Variants in DLGAP1 observed in about 807,000 individuals in gnomAD.
The protein encoded by DLGAP1 is DLG associated protein 1, also known as disks large-associated protein 1.
Under a neutral mutation model 90.8 loss-of-function variants are expected in DLGAP1, and 11 were observed. That is an observed-to-expected ratio of 0.12 (90% confidence interval 0.08 to 0.20). The LOEUF is 0.20. Ranked by LOEUF, DLGAP1 falls within the 10% of genes least tolerant of loss-of-function variation. The pLI is 1.00. For missense variants in DLGAP1, 1,050 were observed against 1,333.8 expected (o/e 0.79, Z 3.31); for synonymous variants, 558 against 540.7 (o/e 1.03, Z -0.44).
chr18:3,888,369 T>C (rs1417410016), intron 3 of DLGAP1, among the ~76,000 whole-genome samples: 6 of 152,172 alleles, frequency 3.9e-5, no homozygotes, highest in African/African-American at 1.4e-4. Context: ...ATACCAATTA[T>C]ATTACTCAAA....
Position 4,270,036 on chromosome 18 carries a change from C to T in DLGAP1, c.-266-118749G>A, listed in dbSNP as rs114335454. Among the ~76,000 whole-genome samples, 1,451 of 152,286 alleles carry T rather than the reference C, an allele frequency of 9.5e-3. 28 individuals are homozygous for T. Among genetic ancestry groups the T allele is most frequent in the African/African-American group, 0.033 (1,362 of 41,548 alleles). ...TAGGATCCTTCACATGTTACAGTAG[C>T]ATAGTTTAAATGTTCAGAAGCTCTG... On this transcript the variant is annotated intron_variant, in intron 1 of 12. Coordinates refer to ENST00000315677, the MANE Select transcript of DLGAP1 (RefSeq NM_004746.4).
At chr18:4,111,936 C>T (rs1301615768) in intron 2 of DLGAP1, among the ~76,000 whole-genome samples, 1 of 150,434 alleles carries the variant, frequency 6.6e-6, no homozygotes, top group Non-Finnish European at 1.5e-5. Context: ...TTTATTTATT[C>T]TGTAATAAAA....
chr18:4,124,032 A>G (rs1272585663), intron 2 of DLGAP1, among the ~76,000 whole-genome samples: 2 of 152,230 alleles, frequency 1.3e-5, no homozygotes, highest in African/African-American at 2.4e-5. Flanking sequence ...GTCAATCGCA[A>G]GAGAATTCTG....
intron 1 of DLGAP1, among the ~76,000 whole-genome samples, chr18:4,358,976 G>A (rs1158204655): frequency 4.6e-5 from 7 of 152,210 alleles, no homozygotes; most frequent in Non-Finnish European, 8.8e-5. Flanking sequence ...GCTTTAAAAT[G>A]CTGGCGGGGA....
intron 8 of DLGAP1, among the ~76,000 whole-genome samples, chr18:3,575,976 C>A (rs914173122): frequency 5.3e-5 from 8 of 152,140 alleles, no homozygotes; most frequent in African/African-American, 1.9e-4. Context: ...AACACACATG[C>A]TGATTGAAGG....
chr18:3,590,077 A>AT (rs1416845209), intron 7 of DLGAP1, among the ~76,000 whole-genome samples: 2 of 151,862 alleles, frequency 1.3e-5, no homozygotes, highest in Non-Finnish European at 2.9e-5. Flanking sequence ...CACCAGGCTA[A>AT]TTTTTTTTAT....
At chr18:4,105,904 C>T (rs1348023416) in intron 2 of DLGAP1, among the ~76,000 whole-genome samples, 15 of 151,750 alleles carry the variant, frequency 9.9e-5, no homozygotes, top group Non-Finnish European at 1.2e-4. Flanking sequence ...TGGTGGCGGG[C>T]ACCTGTAGTC....
intron 2 of DLGAP1, among the ~76,000 whole-genome samples, chr18:4,124,153 T>C (rs1428198333): frequency 6.6e-6 from 1 of 152,156 alleles, no homozygotes; most frequent in Non-Finnish European, 1.5e-5. Flanking sequence ...TATCTGACAT[T>C]GCTTCTTGGG....
chr18:3,739,697 A>G (rs1258144296), intron 6 of DLGAP1, among the ~76,000 whole-genome samples: 1 of 152,156 alleles, frequency 6.6e-6, no homozygotes, highest in Non-Finnish European at 1.5e-5. Flanking sequence ...TAGTGGGTGC[A>G]GCGCACCAGT....
chr18:4,066,728 G>A (rs920981204), intron 2 of DLGAP1, among the ~76,000 whole-genome samples: 4 of 152,130 alleles, frequency 2.6e-5, no homozygotes, highest in Non-Finnish European at 1.5e-5. Context: ...ACTGTTGGGG[G>A]GGTGTAAATT....
chr18:4,446,632 GA>G (rs1567930930), intron 1 of DLGAP1, among the ~76,000 whole-genome samples: 2 of 152,090 alleles, frequency 1.3e-5, no homozygotes, highest in Non-Finnish European at 2.9e-5. Flanking sequence ...TGTCATTTCA[GA>G]ATTGGAAAAC....
At chr18:3,580,245 G>T in intron 8 of DLGAP1, 1 of 1,602,850 alleles carries the variant, frequency 6.2e-7, no homozygotes, top group Non-Finnish European at 8.5e-7. Context: ...CATCTGAAAA[G>T]ACCAGTCAGT....
chr18:4,269,350 A>ATTTTT (rs1276704887), intron 1 of DLGAP1, among the ~76,000 whole-genome samples: 10 of 127,080 alleles, frequency 7.9e-5, no homozygotes, highest in South Asian at 2.3e-4. Flanking sequence ...ATATATATAT[A>ATTTTT]TATATTTTTT....
chr18:4,220,288 C>T (rs1408048894), intron 1 of DLGAP1, among the ~76,000 whole-genome samples: 1 of 150,612 alleles, frequency 6.6e-6, no homozygotes, highest in Non-Finnish European at 1.5e-5. Context: ...CTAAATCTCT[C>T]TTTCCTTCTT....
At chr18:4,289,919 T>A (rs982589558) in intron 1 of DLGAP1, among the ~76,000 whole-genome samples, 3 of 152,198 alleles carry the variant, frequency 2.0e-5, no homozygotes, top group African/African-American at 7.2e-5. Flanking sequence ...ATTAAGAGAA[T>A]TTTTCTGTCT....
intron 3 of DLGAP1, among the ~76,000 whole-genome samples, chr18:3,897,949 C>G (rs947267637): frequency 1.3e-5 from 2 of 151,422 alleles, no homozygotes; most frequent in African/African-American, 4.8e-5. Flanking sequence ...CGCCCGCCAC[C>G]GCGCCCGGCT....
At chr18:3,897,436 A>G (rs2071654709) in intron 3 of DLGAP1, among the ~76,000 whole-genome samples, 5 of 152,230 alleles carry the variant, frequency 3.3e-5, no homozygotes, top group Admixed American at 3.3e-4. Context: ...TTCAACATCT[A>G]CTAAATGACA....
chr18:3,506,469 C>T (rs1454271491), intron 11 of DLGAP1, among the ~76,000 whole-genome samples: 10 of 134,254 alleles, frequency 7.4e-5, no homozygotes, highest in Non-Finnish European at 1.4e-4. Context: ...GCCGAGATTG[C>T]GCCATTGCAC....
chr18:3,898,143 T>A (rs911480155), intron 3 of DLGAP1, among the ~76,000 whole-genome samples: 1 of 152,210 alleles, frequency 6.6e-6, no homozygotes, highest in African/African-American at 2.4e-5. Flanking sequence ...TTACTTTATT[T>A]ACTGGTTGAG....
Sources: allele counts gnomAD v4.1 joint callset (sites outside exome capture counted in the v4.1 genomes callset), GRCh38; gene constraint gnomAD v4.1.1; transcripts MANE v1.5; gene names NCBI Gene and HGNC (gene_info 2026-07-23, HGNC 2026-07-21).